DENND1A: variants seen among roughly 807,000 people sequenced by gnomAD.
DENND1A encodes DENN domain-containing protein 1A.
Under a neutral mutation model 113.7 loss-of-function variants are expected in DENND1A, and 51 were observed. The ratio of observed to expected loss-of-function variants is 0.45; its 90% CI spans 0.36 to 0.57. The LOEUF (loss-of-function observed/expected upper bound fraction) is 0.57. DENND1A is among the 20% of genes least tolerant of loss of function. DENND1A has a pLI of 0.00. For synonymous variants in DENND1A, 565 were observed against 570.8 expected (o/e 0.99, Z 0.14); for missense variants, 1,258 against 1,395.9 (o/e 0.90, Z 1.57).
At chr9:123,576,090 T>A (rs2136486222) in intron 12 of DENND1A, among the ~76,000 whole-genome samples, 1 of 152,338 alleles carries the variant, frequency 6.6e-6, no homozygotes, top group East Asian at 1.9e-4. Context: ...GCTATATATC[T>A]CTGTCTTATT....
chr9:123,776,888 T>C (rs901839504), intron 3 of DENND1A, among the ~76,000 whole-genome samples: 1 of 152,220 alleles, frequency 6.6e-6, no homozygotes, highest in Non-Finnish European at 1.5e-5. Flanking sequence ...GCTGGCACGC[T>C]ACATAAATAT....
intron 5 of DENND1A, among the ~76,000 whole-genome samples, chr9:123,703,058 T>C (rs1426187395): frequency 6.6e-6 from 1 of 152,202 alleles, no homozygotes; most frequent in East Asian, 1.9e-4. Flanking sequence ...CTCGGCTCAC[T>C]GCAACTTCTG....
chr9:123,512,437 G>A (rs908994718), intron 13 of DENND1A, among the ~76,000 whole-genome samples: 24 of 152,338 alleles, frequency 1.6e-4, no homozygotes, highest in African/African-American at 5.5e-4. Context: ...CTCTATAGAT[G>A]CAGGTCTCGG....
intron 22 of DENND1A, 108 bp from the exon 23 acceptor site, chr9:123,384,021 T>G: frequency 6.9e-7 from 1 of 1,441,062 alleles, no homozygotes; most frequent in Non-Finnish European, 9.4e-7. Flanking sequence ...CGCAGGGGCC[T>G]GCGGGACAGG....
intron 11 of DENND1A, among the ~76,000 whole-genome samples, chr9:123,600,130 T>A (rs1223990008): frequency 1.3e-5 from 2 of 152,134 alleles, no homozygotes; most frequent in Admixed American, 6.5e-5. Flanking sequence ...AAAGTAAGTT[T>A]AAGTTAATGT....
intron 5 of DENND1A, among the ~76,000 whole-genome samples, chr9:123,756,640 G>T (rs545799756): frequency 3.3e-5 from 5 of 152,274 alleles, no homozygotes; most frequent in South Asian, 4.1e-4. Context: ...TTTGTGTAGA[G>T]AAATGCAAAT....
chr9:123,792,107 C>A (rs1294470112), intron 3 of DENND1A, among the ~76,000 whole-genome samples: 1 of 152,196 alleles, frequency 6.6e-6, no homozygotes, highest in Non-Finnish European at 1.5e-5. Flanking sequence ...CAGCACCACC[C>A]TCACCCTTAA....
At position 123,382,263 on chromosome 9, in the gene DENND1A, G is replaced by T; in HGVS notation, c.2382C>A (p.Asp794Glu). ...KLQAAGAALG[D>E]VSERLQTDRD... ...GATCCGTCTGCAGCCGCTCTGAGAC[G>T]TCACCAAGTGCGGCGCCGGCAGCCT... The change falls in exon 24 of 24, where the codon GAC becomes GAA. Residue 794 changes from aspartate to glutamate, a missense_variant. By Grantham distance (45) the Asp-to-Glu change is conservative. Transcript: ENST00000394215. The T allele has an allele frequency of 1.2e-6, 2 of 1,610,598 alleles. No individual in the cohort carries two copies. The highest frequency in any genetic ancestry group is 2.2e-5 in the South Asian group (2 of 90,972).
chr9:123,604,210 C>T (rs1387275413), intron 11 of DENND1A, among the ~76,000 whole-genome samples: 3 of 152,198 alleles, frequency 2.0e-5, no homozygotes, highest in Admixed American at 1.3e-4. Context: ...TTTGCCTACA[C>T]CTAAGTCTTT....
intron 5 of DENND1A, among the ~76,000 whole-genome samples, chr9:123,748,796 A>G (rs2069750828): frequency 6.6e-6 from 1 of 152,206 alleles, no homozygotes; most frequent in South Asian, 2.1e-4. Flanking sequence ...AAACTCAATC[A>G]AAAAGCACCG....
intron 10 of DENND1A, among the ~76,000 whole-genome samples, chr9:123,610,841 C>T (rs923134620): frequency 6.6e-6 from 1 of 152,136 alleles, no homozygotes; most frequent in Non-Finnish European, 1.5e-5. Flanking sequence ...GGAGTTTAGG[C>T]TTTATCCTGA....
At chr9:123,839,093 C>T (rs1433205477) in intron 2 of DENND1A, among the ~76,000 whole-genome samples, 8 of 152,158 alleles carry the variant, frequency 5.3e-5, no homozygotes, top group Non-Finnish European at 1.2e-4. Context: ...ACGCTCGAAT[C>T]GACCTTGGGT....
intron 6 of DENND1A, among the ~76,000 whole-genome samples, chr9:123,674,619 A>G (rs944015206): frequency 3.3e-5 from 5 of 152,230 alleles, no homozygotes; most frequent in African/African-American, 1.2e-4. Flanking sequence ...TCCTGGGTTC[A>G]AGAGAAACAG....
chr9:123,769,154 T>C (rs1330111043), intron 4 of DENND1A, among the ~76,000 whole-genome samples: 1 of 152,152 alleles, frequency 6.6e-6, no homozygotes, highest in Non-Finnish European at 1.5e-5. Flanking sequence ...ATACAAAACG[T>C]TGGAATCAAG....
At chr9:123,383,633 C>T in intron 23 of DENND1A, 22 bp downstream of exon 23, 1 of 1,603,396 alleles carries the variant, frequency 6.2e-7, no homozygotes, top group Non-Finnish European at 8.5e-7. Flanking sequence ...CCGGCCGATA[C>T]CCTCCCTTGC....
chr9:123,728,499 A>AAAAAC (rs2067902253), intron 5 of DENND1A, among the ~76,000 whole-genome samples: 1 of 147,186 alleles, frequency 6.8e-6, no homozygotes, highest in Non-Finnish European at 1.5e-5. Flanking sequence ...AAAAAAAAAA[A>AAAAAC]AAAAAAAAAA....
chr9:123,510,866 G>A (rs952191691), intron 13 of DENND1A, among the ~76,000 whole-genome samples: 9 of 152,224 alleles, frequency 5.9e-5, no homozygotes, highest in Non-Finnish European at 1.3e-4. Context: ...TCAGAAGGAA[G>A]TAAGTTCCCT....
chr9:123,740,338 A>T (rs2068902975), intron 5 of DENND1A, among the ~76,000 whole-genome samples: 1 of 152,220 alleles, frequency 6.6e-6, no homozygotes, highest in Non-Finnish European at 1.5e-5. Flanking sequence ...ATATTTTCTA[A>T]CTATCTAATC....
intron 1 of DENND1A, among the ~76,000 whole-genome samples, chr9:123,918,264 A>G (rs1279498330): frequency 6.6e-6 from 1 of 151,214 alleles, no homozygotes; most frequent in Non-Finnish European, 1.5e-5. Context: ...CAAGGCGGGC[A>G]GATCATGAGG....
Sources: allele counts gnomAD v4.1 joint callset (sites outside exome capture counted in the v4.1 genomes callset), GRCh38; gene constraint gnomAD v4.1.1; transcripts MANE v1.5; gene names NCBI Gene and HGNC (gene_info 2026-07-23, HGNC 2026-07-21).